Variants in ATP10B observed in about 807,000 individuals in gnomAD.
ATP10B encodes the protein phospholipid-transporting ATPase VB.
ATP10B carries 122 observed loss-of-function variants against 141.2 expected under a neutral mutation model. The observed-to-expected ratio is 0.86, with a 90% confidence interval of 0.75 to 1.00. ATP10B has a LOEUF of 1.00. ATP10B is among the 50% of genes least tolerant of loss of function. The pLI, the probability that ATP10B is intolerant of heterozygous loss-of-function variation, is 0.00. For missense variants in ATP10B, 1,876 were observed against 1,825.3 expected (o/e 1.03, Z -0.51); for synonymous variants, 685 against 692.0 (o/e 0.99, Z 0.16).
chr5:160,599,774 G>T (rs952395227), intron 21 of ATP10B, among the ~76,000 whole-genome samples: 1 of 152,158 alleles, frequency 6.6e-6, no homozygotes, highest in Non-Finnish European at 1.5e-5. Flanking sequence ...GGTGGGCTGG[G>T]TCACTGTTAT....
intron 3 of ATP10B, among the ~76,000 whole-genome samples, chr5:160,707,539 T>C (rs904142772): frequency 2.6e-5 from 4 of 152,232 alleles, no homozygotes; most frequent in Non-Finnish European, 1.5e-5. Context: ...TGAGACAATA[T>C]CACATACTTT....
At chr5:160,611,225 A>C (rs1334422590) in intron 18 of ATP10B, among the ~76,000 whole-genome samples, 1 of 152,198 alleles carries the variant, frequency 6.6e-6, no homozygotes, top group Non-Finnish European at 1.5e-5. Flanking sequence ...AAGGTGGAGT[A>C]TGGCTGACTG....
the ATP10B span, among the ~76,000 whole-genome samples, chr5:160,871,453 T>C: frequency 6.6e-6 from 1 of 152,156 alleles, no homozygotes; most frequent in East Asian, 1.9e-4. Flanking sequence ...GAGATTTTGG[T>C]GCACCCATCA....
chr5:160,761,226 G>C (rs1561826757), intron 2 of ATP10B, among the ~76,000 whole-genome samples: 1 of 152,114 alleles, frequency 6.6e-6, no homozygotes, highest in Non-Finnish European at 1.5e-5. Flanking sequence ...TTCACTGCTA[G>C]CATAATCAGC....
chr5:160,652,919 AT>A (rs1760944032), intron 7 of ATP10B, among the ~76,000 whole-genome samples: 1 of 81,518 alleles, frequency 1.2e-5, no homozygotes, highest in African/African-American at 5.9e-5. Flanking sequence ...ACATGTATAT[AT>A]AATATATTAT....
At chr5:160,770,827 TA>T in intron 2 of ATP10B, among the ~76,000 whole-genome samples, 1 of 152,330 alleles carries the variant, frequency 6.6e-6, no homozygotes, top group African/African-American at 2.4e-5. Flanking sequence ...TTAAGTAAAC[TA>T]CTGAATAGAT....
intron 2 of ATP10B, among the ~76,000 whole-genome samples, chr5:160,727,792 G>A (rs536163710): frequency 6.6e-6 from 1 of 152,260 alleles, no homozygotes; most frequent in East Asian, 1.9e-4. Context: ...TCTTCCAAAT[G>A]AGTAGCTGTT....
chr5:160,883,546 T>C, the ATP10B span, among the ~76,000 whole-genome samples: 1 of 152,092 alleles, frequency 6.6e-6, no homozygotes, highest in Admixed American at 6.6e-5. Context: ...ACTAGAAGTA[T>C]AACAAAAGTA....
chr5:160,753,159 G>C (rs1276175226), intron 2 of ATP10B, among the ~76,000 whole-genome samples: 1 of 152,152 alleles, frequency 6.6e-6, no homozygotes, highest in Non-Finnish European at 1.5e-5. Context: ...TGAAGGAAAA[G>C]TCAAAGGATG....
the ATP10B span, among the ~76,000 whole-genome samples, chr5:160,915,698 G>A: frequency 7.9e-3 from 1,201 of 152,208 alleles, 19 homozygotes; most frequent in African/African-American, 0.028. Context: ...CAAAAGACAG[G>A]CAGGAATAGA....
In ATP10B at chr5:160,594,643, C is replaced by T. The variant is rs552275652; in HGVS notation, c.3565-3504G>A. 6.0e-3 allele frequency among the ~76,000 whole-genome samples: 910 copies of T among 151,146 alleles called. 6 individuals carry two copies. The highest frequency in any genetic ancestry group is 0.017 in the South Asian group (80 of 4,668). ...ATCAGTGTGCTGTATTCAGGAAACC[C>T]ATCTCATGTGCAGAGACACACATAG... On this transcript the variant is annotated intron_variant, in intron 22 of 25. Transcript: ENST00000327245.
At chr5:160,626,724 T>C (rs1156597814) in intron 13 of ATP10B, among the ~76,000 whole-genome samples, 1 of 152,236 alleles carries the variant, frequency 6.6e-6, no homozygotes, top group Non-Finnish European at 1.5e-5. Flanking sequence ...GTGTTCATGC[T>C]GCTGCTCCGA....
the ATP10B span, among the ~76,000 whole-genome samples, chr5:160,874,972 C>G: frequency 2.4e-5 from 3 of 123,426 alleles, no homozygotes; most frequent in Admixed American, 8.4e-5. Flanking sequence ...AGGATATTAT[C>G]CAGGAGAACT....
the ATP10B span, among the ~76,000 whole-genome samples, chr5:160,873,289 T>A: frequency 6.6e-6 from 1 of 152,176 alleles, no homozygotes; most frequent in Non-Finnish European, 1.5e-5. Context: ...ATGGTTAACA[T>A]CATTCTTCAC....
chr5:160,882,905 T>C, the ATP10B span, among the ~76,000 whole-genome samples: 1 of 151,792 alleles, frequency 6.6e-6, no homozygotes, highest in East Asian at 1.9e-4. Context: ...CCTAGGGAAA[T>C]TTGTAAGAAT....
At chr5:160,654,415 T>C (rs1470241403) in intron 7 of ATP10B, among the ~76,000 whole-genome samples, 2 of 152,138 alleles carry the variant, frequency 1.3e-5, no homozygotes, top group Non-Finnish European at 2.9e-5. Flanking sequence ...TCTAAGGCAC[T>C]GCCCTTTGAT....
At chr5:160,589,059 TG>T (rs1381549490) in intron 24 of ATP10B, among the ~76,000 whole-genome samples, 3 of 152,198 alleles carry the variant, frequency 2.0e-5, no homozygotes, top group African/African-American at 7.2e-5. Context: ...TCACCCAGGC[TG>T]GAGTGTGGTG....
chr5:160,628,153 A>G (rs1211488662), intron 13 of ATP10B, among the ~76,000 whole-genome samples: 8 of 152,256 alleles, frequency 5.3e-5, no homozygotes, highest in Non-Finnish European at 8.8e-5. Context: ...TTAAATAGGA[A>G]CACATGGATT....
the ATP10B span, among the ~76,000 whole-genome samples, chr5:160,873,075 T>C: frequency 1.3e-5 from 2 of 151,730 alleles, no homozygotes; most frequent in East Asian, 1.9e-4. Flanking sequence ...GTTTTTCTTG[T>C]AGCGGTCTTT....
Sources: allele counts gnomAD v4.1 joint callset (sites outside exome capture counted in the v4.1 genomes callset), GRCh38; gene constraint gnomAD v4.1.1; transcripts MANE v1.5; gene names NCBI Gene and HGNC (gene_info 2026-07-23, HGNC 2026-07-21).